MGLL: variants seen among roughly 807,000 people sequenced by gnomAD.
MGLL encodes the protein monoglyceride lipase.
Under a neutral mutation model 29.1 loss-of-function variants are expected in MGLL, and 7 were observed. That is an observed-to-expected ratio of 0.24 (90% CI 0.14 to 0.45). The LOEUF (loss-of-function observed/expected upper bound fraction) is 0.45. MGLL is among the 20% of genes least tolerant of loss of function. The probability of loss-of-function intolerance (pLI) is 0.99; values close to 1 mark genes in which losing one functional copy is unlikely to be tolerated. For missense variants in MGLL, 356 were observed against 413.6 expected, an observed-to-expected ratio of 0.86 and a Z score of 1.21; for synonymous variants, 148 against 168.3, an observed-to-expected ratio of 0.88 and a Z score of 0.93.
At chr3:127,721,216 A>G (rs1471308335) in intron 4 of MGLL, 53 bp from the exon 5 acceptor site, 10 of 1,484,910 alleles carry the variant, frequency 6.7e-6, no homozygotes, top group Non-Finnish European at 8.4e-6. Context: ...CAGTGCACAC[A>G]TTTCTAATAA....
chr3:127,720,855 T>TG (rs1486180497), intron 5 of MGLL, among the ~76,000 whole-genome samples, 198 bp downstream of exon 5: 1 of 152,298 alleles, frequency 6.6e-6, no homozygotes, highest in East Asian at 1.9e-4. Flanking sequence ...CTTTTTGTCT[T>TG]GGGGGAAAAT....
At chr3:127,735,575 C>CT (rs2076227970) in intron 3 of MGLL, 2 of 981,364 alleles carry the variant, frequency 2.0e-6, no homozygotes, top group African/African-American at 3.2e-5. Flanking sequence ...GAGACTCATA[C>CT]TTATGTGATA....
intron 3 of MGLL, among the ~76,000 whole-genome samples, chr3:127,757,991 CTG>C (rs1274630559): frequency 6.6e-6 from 1 of 152,186 alleles, no homozygotes. Context: ...GAGGAGAAAA[CTG>C]AGGATCTCTG....
chr3:127,803,450 C>G lies in MGLL; in HGVS notation c.155+18244G>C, dbSNP rs578217068. Among the ~76,000 whole-genome samples the G allele has an allele frequency of 3.3e-5, 5 of 152,348 alleles. No homozygotes were observed. In the East Asian group the frequency reaches 9.6e-4, roughly 29 times the overall value. On this transcript the variant is annotated intron_variant, in intron 2 of 7. Transcript: ENST00000265052. ...TCCTTGGTGCCAACCAGCCTCACAG[C>G]AAACCATGGCCGATGCTGGTGCACT...
intron 3 of MGLL, among the ~76,000 whole-genome samples, chr3:127,771,460 G>A (rs1254505222): frequency 6.6e-6 from 1 of 152,160 alleles, no homozygotes; most frequent in Non-Finnish European, 1.5e-5. Flanking sequence ...GCGATCCCAA[G>A]TAGCTCCTGC....
At chr3:127,694,690 A>C (rs540796823) in intron 7 of MGLL, among the ~76,000 whole-genome samples, 1 of 152,312 alleles carries the variant, frequency 6.6e-6, no homozygotes, top group South Asian at 2.1e-4. Flanking sequence ...TTATTTGCTC[A>C]GTGCCCAGTT....
intron 2 of MGLL, among the ~76,000 whole-genome samples, chr3:127,818,247 G>C (rs555526590): frequency 1.3e-5 from 2 of 152,230 alleles, no homozygotes; most frequent in Non-Finnish European, 2.9e-5. Flanking sequence ...ATAGGCGTGA[G>C]CCACTGCACC....
intron 3 of MGLL, among the ~76,000 whole-genome samples, chr3:127,725,569 T>G (rs571291929): frequency 1.3e-5 from 2 of 152,316 alleles, no homozygotes; most frequent in South Asian, 4.1e-4. Context: ...CTTCGTTCAC[T>G]TGACACCATA....
intron 3 of MGLL, among the ~76,000 whole-genome samples, chr3:127,733,977 G>A (rs371113255): frequency 3.0e-4 from 45 of 152,344 alleles, no homozygotes; most frequent in African/African-American, 6.7e-4. Flanking sequence ...ATCGTACAGC[G>A]TAGAGCGTTG....
chr3:127,770,581 C>T (rs1012154867), intron 3 of MGLL, among the ~76,000 whole-genome samples: 2 of 152,032 alleles, frequency 1.3e-5, no homozygotes, highest in African/African-American at 2.4e-5. Flanking sequence ...ATGCCCAAGC[C>T]GTGGCATGGG....
intron 2 of MGLL, among the ~76,000 whole-genome samples, chr3:127,789,640 G>A (rs1381464522): frequency 6.6e-6 from 1 of 152,060 alleles, no homozygotes; most frequent in Non-Finnish European, 1.5e-5. Context: ...GGAGGCTACA[G>A]TGAGTCATGA....
intron 3 of MGLL, among the ~76,000 whole-genome samples, chr3:127,775,318 C>G (rs769330276): frequency 9.9e-5 from 15 of 152,166 alleles, no homozygotes; most frequent in Non-Finnish European, 2.2e-4. Flanking sequence ...ACGGTTAACA[C>G]ATTTTTCAAA....
At chr3:127,713,258 G>A (rs756899719) in intron 5 of MGLL, 7 of 152,372 alleles carry the variant, frequency 4.6e-5, no homozygotes, top group South Asian at 2.1e-4. Context: ...TGTATTGGCC[G>A]AAGTGGAGCC....
intron 3 of MGLL, among the ~76,000 whole-genome samples, chr3:127,776,142 G>A (rs895051614): frequency 2.6e-5 from 4 of 152,152 alleles, no homozygotes; most frequent in East Asian, 1.9e-4. Flanking sequence ...CTACTCTGAG[G>A]CCCCTCTCCT....
intron 3 of MGLL, among the ~76,000 whole-genome samples, chr3:127,774,708 T>TCAGCAG (rs774114531): frequency 1.3e-5 from 2 of 151,828 alleles, no homozygotes; most frequent in Non-Finnish European, 2.9e-5. Flanking sequence ...TCAGGGGTCC[T>TCAGCAG]CAGCAGCAGC....
chr3:127,773,635 C>T (rs1015042227), intron 3 of MGLL, among the ~76,000 whole-genome samples: 1 of 152,200 alleles, frequency 6.6e-6, no homozygotes, highest in Admixed American at 6.5e-5. Context: ...CCTTAAGTTG[C>T]ACCCACAACA....
intron 3 of MGLL, among the ~76,000 whole-genome samples, chr3:127,736,641 C>A (rs2076247352): frequency 6.6e-6 from 1 of 152,184 alleles, no homozygotes; most frequent in Non-Finnish European, 1.5e-5. Flanking sequence ...GTATGCCTGG[C>A]CCCATGCCAG....
chr3:127,745,686 GAATAAT>G (rs1406458687), intron 3 of MGLL, among the ~76,000 whole-genome samples: 1 of 152,114 alleles, frequency 6.6e-6, no homozygotes, highest in Non-Finnish European at 1.5e-5. Flanking sequence ...ACATTTATAT[GAATAAT>G]AATAATAAAA....
chr3:127,775,647 T>A (rs1221659684), intron 3 of MGLL, among the ~76,000 whole-genome samples: 2 of 152,214 alleles, frequency 1.3e-5, no homozygotes, highest in East Asian at 3.9e-4. Context: ...TGCAGATAAT[T>A]AATTCACTGT....
Sources: allele counts gnomAD v4.1 joint callset (sites outside exome capture counted in the v4.1 genomes callset), GRCh38; gene constraint gnomAD v4.1.1; transcripts MANE v1.5; gene names NCBI Gene and HGNC (gene_info 2026-07-23, HGNC 2026-07-21).